Variants in MIA2 observed in about 807,000 individuals in gnomAD.
MIA2 encodes the protein MIA SH3 domain ER export factor 2.
Under a neutral mutation model 167.8 loss-of-function variants are expected in MIA2, and 127 were observed. The observed-to-expected ratio is 0.76, with a 90% CI of 0.66 to 0.88. MIA2 has a LOEUF of 0.88. Among genes scored for constraint, MIA2 ranks in the 40% least tolerant of loss-of-function variants. The pLI, the probability that MIA2 is intolerant of heterozygous loss-of-function variation, is 0.00. For missense variants in MIA2, 1,690 were observed against 1,624.7 expected, an observed-to-expected ratio of 1.04 and a Z score of -0.69; for synonymous variants, 552 against 541.9, an observed-to-expected ratio of 1.02 and a Z score of -0.26.
intron 6 of MIA2, chr14:39,253,741 T>C (rs926574014): frequency 6.6e-6 from 1 of 151,892 alleles, no homozygotes; most frequent in Non-Finnish European, 1.5e-5. Flanking sequence ...AATGTTGGAG[T>C]ACAAAAGCAA....
intron 18 of MIA2, among the ~76,000 whole-genome samples, chr14:39,312,722 T>C (rs1378887438): frequency 6.6e-6 from 1 of 152,162 alleles, no homozygotes; most frequent in Non-Finnish European, 1.5e-5. Flanking sequence ...CCACCCTTCT[T>C]GTAGAGCTGT....
At position 39,314,816 on chromosome 14, in the gene MIA2, G is replaced by GTGTGTA. The variant is rs1566886822; in HGVS notation, c.3180+22_3180+23insATGTGT. 4 of 1,149,132 alleles carry GTGTGTA rather than the reference G, an allele frequency of 3.5e-6. 1 individual carries two copies. The Admixed American group carries it at 7.5e-5, about 21-fold the overall frequency. 71.2% of individuals were successfully genotyped at this position (1,149,132 alleles called of 1,614,324 possible). On this transcript the variant is annotated intron_variant, in intron 20 of 28. Coordinates refer to ENST00000640607, the MANE Select transcript of MIA2 (RefSeq NM_001329214.4). Reference sequence around the variant, plus strand: ...CAAGGGCAGGTATATATATATGTGTGTGTGTGTGTGTGTGTGTGTGTATAT... The same window carrying GTGTGTA: ...CAAGGGCAGGTATATATATATGTGTGTGTGTATGTGTGTGTGTGTGTGTGTGTATAT...
At chr14:39,271,055 A>G (rs2057051530) in intron 6 of MIA2, among the ~76,000 whole-genome samples, 1 of 152,128 alleles carries the variant, frequency 6.6e-6, no homozygotes, top group Non-Finnish European at 1.5e-5. Context: ...GGTTACAAAC[A>G]TTTACAGTTA....
chr14:39,342,099 T>C (rs935734778), intron 25 of MIA2, among the ~76,000 whole-genome samples: 1 of 152,186 alleles, frequency 6.6e-6, no homozygotes, highest in African/African-American at 2.4e-5. Context: ...ACATGTGCCA[T>C]GTTGGTGTGC....
rs757259755 is a variant in MIA2, at chr14:39,276,976, C to T, written c.1930C>T (p.Leu644Phe). The part of the protein sequence containing the change: ...LPEGMRPDSN[L>F]YGFPWELVIC... The stretch of plus-strand genomic sequence containing the variant: ...TGAAGGTATGAGACCAGATTCTAAT[C>T]TTTATGGTTTTCCATGGGAATTGGT... Residue 644 changes from leucine (L) to phenylalanine (F), a missense_variant, in exon 7 of 29, where the codon CTT becomes TTT. By Grantham distance (22) the Leu-to-Phe change is conservative. Transcript: ENST00000640607. The T allele has an allele frequency of 5.0e-6, 8 of 1,613,744 alleles. No individual in the cohort carries two copies. The East Asian group carries it at 1.1e-4, about 22-fold the overall frequency.
At chr14:39,314,326 G>C (rs1269953857) in intron 19 of MIA2, among the ~76,000 whole-genome samples, 1 of 151,240 alleles carries the variant, frequency 6.6e-6, no homozygotes, top group Non-Finnish European at 1.5e-5. Context: ...GGTGGAGGTT[G>C]CAGTGAGCCG....
chr14:39,350,936 G>A (rs2074323432), downstream of MIA2: 1 of 147,206 alleles, frequency 6.8e-6, no homozygotes, highest in Non-Finnish European at 1.5e-5. Flanking sequence ...TATTCACTGA[G>A]TTTCTTGCAC....
chr14:39,290,528 C>T (rs1032664094), intron 9 of MIA2, among the ~76,000 whole-genome samples: 5 of 152,002 alleles, frequency 3.3e-5, no homozygotes, highest in African/African-American at 7.3e-5. Flanking sequence ...TCCCCACCTG[C>T]TTTATTTGTT....
At chr14:39,352,349 T>C (rs533175133), downstream of MIA2, among the ~76,000 whole-genome samples, 26 of 152,224 alleles carry the variant, frequency 1.7e-4, no homozygotes, top group East Asian at 3.5e-3. Context: ...TCTTGGTGTT[T>C]TTATTTCTTT....
Position 39,293,296 on chromosome 14 carries a change from C to T in MIA2, c.2234C>T (p.Ser745Phe). Residue 745 changes from serine (S) to phenylalanine (F), a missense_variant, in exon 11 of 29, where the codon TCC becomes TTC. Ser to Phe is a radical substitution (Grantham distance 155, BLOSUM62 -2). Transcript: ENST00000640607. ...LEATCEKLNRSNSELEDEILC... is the reference protein window; with the variant it reads ...LEATCEKLNRFNSELEDEILC... The stretch of plus-strand genomic sequence containing the variant: ...GCAACCTGTGAAAAGCTGAACAGGT[C>T]CAATTCTGAACTTGAGGATGAAATA... The T allele has an allele frequency of 1.2e-6, 2 of 1,611,988 alleles. No homozygotes were observed. The highest frequency in any genetic ancestry group is 1.1e-5 in the South Asian group (1 of 90,800).
At chr14:39,234,266 T>G (rs2053633101) in intron 1 of MIA2, 37 bp downstream of exon 1, 2 of 1,329,266 alleles carry the variant, frequency 1.5e-6, no homozygotes, top group African/African-American at 3.0e-5. Flanking sequence ...CCTCCTAAAT[T>G]GAGGCTCTGC....
chr14:39,331,495 A>G (rs2068862297), intron 25 of MIA2, among the ~76,000 whole-genome samples: 1 of 152,128 alleles, frequency 6.6e-6, no homozygotes, highest in Admixed American at 6.5e-5. Flanking sequence ...TGATCCTGTT[A>G]TTATGATGCT....
chr14:39,262,690 A>G (rs374008430), intron 6 of MIA2, among the ~76,000 whole-genome samples: 12 of 152,196 alleles, frequency 7.9e-5, no homozygotes, highest in African/African-American at 1.9e-4. Context: ...TTTTATTTCA[A>G]TGAGCAGTGG....
At chr14:39,237,327 T>C in intron 2 of MIA2, 2 of 401,212 alleles carry the variant, frequency 5.0e-6, no homozygotes, top group Non-Finnish European at 9.4e-6. Context: ...AGCATTTCAC[T>C]CTGTTGCCCA....
intron 6 of MIA2, among the ~76,000 whole-genome samples, chr14:39,256,013 A>C (rs1353348867): frequency 6.6e-6 from 1 of 152,234 alleles, no homozygotes; most frequent in Non-Finnish European, 1.5e-5. Flanking sequence ...GTATTGTCTA[A>C]GAAAATTATG....
chr14:39,305,948 A>G (rs1405190968), intron 17 of MIA2, among the ~76,000 whole-genome samples: 1 of 151,854 alleles, frequency 6.6e-6, no homozygotes. Flanking sequence ...AAAAAAAAAA[A>G]AAAGTACATA....
At chr14:39,278,213 C>T (rs965845656) in intron 7 of MIA2, among the ~76,000 whole-genome samples, 5 of 152,108 alleles carry the variant, frequency 3.3e-5, no homozygotes, top group Admixed American at 6.6e-5. Flanking sequence ...ATCTGCCTGC[C>T]TTGGTCTCCC....
At chr14:39,386,172 T>G in intron 23 of MIA2, 1 of 1,380,184 alleles carries the variant, frequency 7.2e-7, no homozygotes, top group African/African-American at 1.4e-5. Context: ...GTTCCAGAGG[T>G]CTTGCCCTTG....
At chr14:39,277,252 G>A (rs2152736638) in intron 7 of MIA2, among the ~76,000 whole-genome samples, 187 bp downstream of exon 7, 1 of 152,008 alleles carries the variant, frequency 6.6e-6, no homozygotes, top group East Asian at 1.9e-4. Context: ...CAGGCCCAGT[G>A]CTGTGGCTCC....
Sources: allele counts gnomAD v4.1 joint callset (sites outside exome capture counted in the v4.1 genomes callset), GRCh38; gene constraint gnomAD v4.1.1; transcripts MANE v1.5; gene names NCBI Gene and HGNC (gene_info 2026-07-23, HGNC 2026-07-21).